Variants in FHIT observed in about 807,000 individuals in gnomAD.
FHIT encodes the protein fragile histidine triad diadenosine triphosphatase.
In FHIT, 19 loss-of-function variants were observed where a neutral mutation model predicts 17.9. The observed-to-expected ratio is 1.06, with a 90% CI of 0.74 to 1.56. The LOEUF (loss-of-function observed/expected upper bound fraction) is 1.56. Among genes scored for constraint, FHIT ranks in the 40% most tolerant of loss-of-function variants. The probability of loss-of-function intolerance (pLI) is 0.00; values close to 1 mark genes in which losing one functional copy is unlikely to be tolerated. For missense variants in FHIT, 248 were observed against 189.2 expected, an observed-to-expected ratio of 1.31 and a Z score of -1.82; for synonymous variants, 81 against 69.7, an observed-to-expected ratio of 1.16 and a Z score of -0.81.
At chr3:61,201,370 G>C (rs1019680734) in intron 1 of FHIT, among the ~76,000 whole-genome samples, 5 of 152,202 alleles carry the variant, frequency 3.3e-5, no homozygotes, top group Admixed American at 1.3e-4. Context: ...ATAACTTACA[G>C]TATCGTGAAG....
chr3:61,175,695 T>G (rs2038137556), intron 2 of FHIT, among the ~76,000 whole-genome samples: 1 of 152,122 alleles, frequency 6.6e-6, no homozygotes, highest in Non-Finnish European at 1.5e-5. Flanking sequence ...CTTGCCCATG[T>G]GTCCCTCCTG....
Position 60,203,713 on chromosome 3 carries a change from T to G in FHIT, c.104-189561A>C, listed in dbSNP as rs967473989. Among the ~76,000 whole-genome samples, 59 of 152,132 alleles carry G rather than the reference T, an allele frequency of 3.9e-4. 2 individuals carry two copies. Among genetic ancestry groups the G allele is most frequent in the Non-Finnish European group, 7.3e-5 (5 of 68,036 alleles). On this transcript the variant is annotated intron_variant, in intron 5 of 9. Coordinates refer to ENST00000492590, the MANE Select transcript of FHIT (RefSeq NM_002012.4). ...TATGAACAGCAAATCATTCTTAAAA[T>G]ATTTGATTTAGAAAAAAATGCAAGA...
chr3:60,348,384 CA>C (rs141858523), intron 5 of FHIT, among the ~76,000 whole-genome samples: 21,742 of 151,628 alleles, frequency 0.14, 1,652 homozygotes, highest in Non-Finnish European at 0.16. Context: ...ATAGCAGTGT[CA>C]AATTTTTTTT....
chr3:60,139,472 G>T (rs1699944972), intron 5 of FHIT, among the ~76,000 whole-genome samples: 1 of 152,148 alleles, frequency 6.6e-6, no homozygotes, highest in East Asian at 1.9e-4. Flanking sequence ...GCCAGATGAT[G>T]AAAAGTCTAT....
At chr3:60,472,913 C>T (rs2033161341) in intron 5 of FHIT, among the ~76,000 whole-genome samples, 2 of 151,938 alleles carry the variant, frequency 1.3e-5, no homozygotes, top group African/African-American at 4.8e-5. Context: ...CCTCAAATAC[C>T]ATTATTCATT....
intron 5 of FHIT, among the ~76,000 whole-genome samples, chr3:60,440,885 A>G (rs1230826355): frequency 6.6e-6 from 1 of 152,136 alleles, no homozygotes; most frequent in African/African-American, 2.4e-5. Context: ...AATAAGTGAT[A>G]CTTAGAATTT....
chr3:60,756,316 T>C (rs1242643974), intron 4 of FHIT, among the ~76,000 whole-genome samples: 2 of 152,300 alleles, frequency 1.3e-5, no homozygotes, highest in Non-Finnish European at 2.9e-5. Context: ...GCCTTTTTTT[T>C]CCAACTCACA....
intron 4 of FHIT, among the ~76,000 whole-genome samples, chr3:60,748,101 A>G (rs1159510578): frequency 6.6e-6 from 1 of 152,146 alleles, no homozygotes; most frequent in Non-Finnish European, 1.5e-5. Flanking sequence ...CTGAGGAGCC[A>G]TTAGAAGCTT....
intron 5 of FHIT, among the ~76,000 whole-genome samples, chr3:60,115,206 C>G (rs572305159): frequency 1.3e-5 from 2 of 151,882 alleles, no homozygotes; most frequent in African/African-American, 4.8e-5. Flanking sequence ...TTTCAGCTCC[C>G]CAAAGCCATT....
intron 5 of FHIT, among the ~76,000 whole-genome samples, chr3:60,401,561 T>C (rs543963012): frequency 2.0e-5 from 3 of 152,296 alleles, no homozygotes; most frequent in South Asian, 4.1e-4. Flanking sequence ...TGATAACACA[T>C]GATCCCTTCT....
At chr3:60,306,045 A>G (rs1708655239) in intron 5 of FHIT, among the ~76,000 whole-genome samples, 1 of 152,148 alleles carries the variant, frequency 6.6e-6, no homozygotes, top group African/African-American at 2.4e-5. Context: ...TACAATTTAA[A>G]CCATAATTCC....
intron 8 of FHIT, among the ~76,000 whole-genome samples, chr3:59,903,787 C>T (rs931435337): frequency 6.6e-6 from 1 of 152,102 alleles, no homozygotes; most frequent in Non-Finnish European, 1.5e-5. Context: ...CATAAGGAGG[C>T]AATTCGATTA....
chr3:60,317,635 G>GTA (rs372678434), intron 5 of FHIT, among the ~76,000 whole-genome samples: 21,088 of 134,246 alleles, frequency 0.16, 1,611 homozygotes, highest in South Asian at 0.2. Flanking sequence ...GTGTGTGTGT[G>GTA]TATATATATA....
intron 3 of FHIT, chr3:60,912,823 T>A (rs1553766254): frequency 3.9e-6 from 2 of 510,860 alleles, no homozygotes; most frequent in African/African-American, 3.9e-5. Context: ...ATTGCTCTTT[T>A]TTAAAAAGCT....
intron 2 of FHIT, among the ~76,000 whole-genome samples, chr3:61,116,620 A>G (rs1291631806): frequency 2.6e-5 from 4 of 152,188 alleles, no homozygotes; most frequent in Non-Finnish European, 5.9e-5. Context: ...CACTAGAGGT[A>G]GTTACTATGG....
intron 7 of FHIT, among the ~76,000 whole-genome samples, chr3:59,964,569 T>G (rs374225568): frequency 6.6e-6 from 1 of 152,272 alleles, no homozygotes; most frequent in African/African-American, 2.4e-5. Flanking sequence ...AAAAGTCTTA[T>G]GATTATGTGG....
At chr3:61,021,191 T>C (rs1423656975) in intron 3 of FHIT, among the ~76,000 whole-genome samples, 1 of 152,192 alleles carries the variant, frequency 6.6e-6, no homozygotes, top group African/African-American at 2.4e-5. Flanking sequence ...AACAGACATC[T>C]ACAGAACTCT....
At chr3:60,439,032 C>T (rs1345838144) in intron 5 of FHIT, among the ~76,000 whole-genome samples, 3 of 152,162 alleles carry the variant, frequency 2.0e-5, no homozygotes, top group Non-Finnish European at 2.9e-5. Context: ...TGAGATAAAT[C>T]GAATTGGTGA....
At chr3:60,347,902 G>A (rs1710876815) in intron 5 of FHIT, among the ~76,000 whole-genome samples, 1 of 151,944 alleles carries the variant, frequency 6.6e-6, no homozygotes, top group Non-Finnish European at 1.5e-5. Flanking sequence ...GGGATTACAG[G>A]CGCCCACCAC....
Sources: gnomAD v4.1 joint callset for allele counts (sites outside exome capture counted in the v4.1 genomes callset) on GRCh38, gnomAD v4.1.1 for gene constraint, MANE v1.5 for transcripts, NCBI Gene and HGNC (gene_info 2026-07-23, HGNC 2026-07-21) for gene names.